The following NRXN3 variants were observed in gnomAD, a reference collection of about 807,000 sequenced individuals.
NRXN3 encodes neurexin 3.
Under a neutral mutation model 137.6 loss-of-function variants are expected in NRXN3, and 32 were observed. The ratio of observed to expected loss-of-function variants is 0.23; its 90% CI spans 0.18 to 0.31. The LOEUF is 0.31. NRXN3 is among the 10% of genes least tolerant of loss of function. The probability of loss-of-function intolerance (pLI) is 1.00; values close to 1 mark genes in which losing one functional copy is unlikely to be tolerated. For synonymous variants in NRXN3, 798 were observed against 784.5 expected, an observed-to-expected ratio of 1.02 and a Z score of -0.29; for missense variants, 1,574 against 2,062.5, an observed-to-expected ratio of 0.76 and a Z score of 4.59.
At chr14:79,363,350 T>C (rs1430094817) in intron 15 of NRXN3, among the ~76,000 whole-genome samples, 1 of 152,204 alleles carries the variant, frequency 6.6e-6, no homozygotes, top group African/African-American at 2.4e-5. Flanking sequence ...TCATTTAGAT[T>C]GAAATATCTG....
intron 10 of NRXN3, among the ~76,000 whole-genome samples, chr14:78,826,332 A>G (rs2098966517): frequency 6.6e-6 from 1 of 152,170 alleles, no homozygotes; most frequent in Non-Finnish European, 1.5e-5. Context: ...GTGTGGAGGC[A>G]GAAGGTTGCA....
chr14:79,658,186 A>G (rs963162113), intron 16 of NRXN3, among the ~76,000 whole-genome samples: 1 of 152,152 alleles, frequency 6.6e-6, no homozygotes, highest in Admixed American at 6.6e-5. Flanking sequence ...CCTGGATTCT[A>G]TTTTTCCATA....
intron 8 of NRXN3, among the ~76,000 whole-genome samples, chr14:78,772,325 T>C (rs989430990): frequency 5.9e-5 from 9 of 152,160 alleles, no homozygotes; most frequent in African/African-American, 1.9e-4. Flanking sequence ...GGCAAAAATA[T>C]GTGATATTGA....
intron 15 of NRXN3, among the ~76,000 whole-genome samples, chr14:79,081,488 C>T (rs1414263446): frequency 6.6e-6 from 1 of 151,958 alleles, no homozygotes; most frequent in African/African-American, 2.4e-5. Context: ...GTGGCATGCA[C>T]CTGTAGTATC....
intron 16 of NRXN3, among the ~76,000 whole-genome samples, chr14:79,618,107 T>G (rs2098181502): frequency 6.6e-6 from 1 of 152,102 alleles, no homozygotes; most frequent in Non-Finnish European, 1.5e-5. Flanking sequence ...GAAGATTAAT[T>G]TTGCAGAAGT....
At chr14:79,305,233 A>G (rs925793291) in intron 15 of NRXN3, among the ~76,000 whole-genome samples, 9 of 152,056 alleles carry the variant, frequency 5.9e-5, no homozygotes, top group African/African-American at 2.2e-4. Context: ...TATTAGCTTA[A>G]TGCCTAGCAT....
At chr14:78,599,255 G>A (rs1014814000) in intron 4 of NRXN3, among the ~76,000 whole-genome samples, 1 of 152,202 alleles carries the variant, frequency 6.6e-6, no homozygotes, top group Non-Finnish European at 1.5e-5. Context: ...TCATGGCATC[G>A]AAGAGGGCAT....
intron 10 of NRXN3, among the ~76,000 whole-genome samples, chr14:78,896,466 C>T (rs1018016428): frequency 2.0e-5 from 3 of 151,742 alleles, no homozygotes; most frequent in East Asian, 1.9e-4. Context: ...ATCTTGAATG[C>T]GTCCTAGTAT....
chr14:79,486,874 T>C (rs1367826587), intron 16 of NRXN3, among the ~76,000 whole-genome samples: 1 of 151,888 alleles, frequency 6.6e-6, no homozygotes, highest in Non-Finnish European at 1.5e-5. Context: ...AAGTAATCTC[T>C]ACTCTTTTGT....
chr14:79,494,489 C>G (rs187049482), intron 16 of NRXN3, among the ~76,000 whole-genome samples: 1 of 152,100 alleles, frequency 6.6e-6, no homozygotes, highest in Admixed American at 6.5e-5. Context: ...CCTCCAACAC[C>G]GTCTTTCTTA....
intron 2 of NRXN3, among the ~76,000 whole-genome samples, chr14:78,253,934 C>T (rs563871876): frequency 3.9e-5 from 6 of 152,074 alleles, no homozygotes; most frequent in Admixed American, 3.3e-4. Flanking sequence ...GCCACTTTCT[C>T]ATTGGTCCTC....
intron 2 of NRXN3, among the ~76,000 whole-genome samples, chr14:78,254,159 G>A (rs2069114279): frequency 6.6e-6 from 1 of 151,952 alleles, no homozygotes; most frequent in Non-Finnish European, 1.5e-5. Flanking sequence ...AGTGTGGGAG[G>A]GCTTGATGTG....
At chr14:79,581,481 CCTT>C (rs1198130806) in intron 16 of NRXN3, among the ~76,000 whole-genome samples, 1 of 152,200 alleles carries the variant, frequency 6.6e-6, no homozygotes, top group African/African-American at 2.4e-5. Context: ...CTCCAGTACT[CCTT>C]CTTTCAAAAG....
intron 10 of NRXN3, among the ~76,000 whole-genome samples, chr14:78,880,655 T>C (rs1356637929): frequency 6.6e-6 from 1 of 152,114 alleles, no homozygotes; most frequent in Non-Finnish European, 1.5e-5. Flanking sequence ...TATCAGAGTA[T>C]CAAGAATACC....
chr14:78,895,945 ACATCAAAGATCACT>A (rs1386082404), intron 10 of NRXN3, among the ~76,000 whole-genome samples: 1 of 151,872 alleles, frequency 6.6e-6, no homozygotes, highest in Non-Finnish European at 1.5e-5. Context: ...TACAATAATG[ACATCAAAGATCACT>A]CATCAAAGAT....
At chr14:79,415,906 A>G (rs1315380051) in intron 15 of NRXN3, among the ~76,000 whole-genome samples, 1 of 152,138 alleles carries the variant, frequency 6.6e-6, no homozygotes, top group Non-Finnish European at 1.5e-5. Flanking sequence ...TGGAATCTGC[A>G]TTTAACAGAT....
intron 6 of NRXN3, among the ~76,000 whole-genome samples, chr14:78,663,612 A>G (rs1366839926): frequency 6.6e-6 from 1 of 152,186 alleles, no homozygotes; most frequent in Non-Finnish European, 1.5e-5. Context: ...TTTGCCTTTA[A>G]TGCCTTCAAA....
At chr14:78,174,735 A>G (rs1432710766) in intron 1 of NRXN3, among the ~76,000 whole-genome samples, 2 of 152,146 alleles carry the variant, frequency 1.3e-5, no homozygotes, top group South Asian at 2.1e-4. Flanking sequence ...TCAGTGGGGA[A>G]GAGTCCTCAA....
intron 3 of NRXN3, among the ~76,000 whole-genome samples, chr14:78,284,237 T>C (rs2074849353): frequency 6.6e-6 from 1 of 152,166 alleles, no homozygotes; most frequent in Non-Finnish European, 1.5e-5. Context: ...ATTGCCTCCA[T>C]TGGAAAGGCT....
Sources: allele counts gnomAD v4.1 joint callset (sites outside exome capture counted in the v4.1 genomes callset), GRCh38; gene constraint gnomAD v4.1.1; transcripts MANE v1.5; gene names NCBI Gene and HGNC (gene_info 2026-07-23, HGNC 2026-07-21).